Variants in DSCAM observed in about 807,000 individuals in gnomAD.
The protein encoded by DSCAM is cell adhesion molecule DSCAM.
Under a neutral mutation model 217.7 loss-of-function variants are expected in DSCAM, and 47 were observed. That is an observed-to-expected ratio of 0.22 (90% CI 0.17 to 0.28). DSCAM has a LOEUF of 0.28. DSCAM is among the 10% of genes least tolerant of loss of function. DSCAM has a pLI of 1.00. For synonymous variants in DSCAM, 1,056 were observed against 1,015.3 expected (o/e 1.04, Z -0.76); for missense variants, 2,080 against 2,618.3 (o/e 0.79, Z 4.49).
intron 3 of DSCAM, among the ~76,000 whole-genome samples, chr21:40,387,847 T>C (rs2075100864): frequency 6.6e-6 from 1 of 152,118 alleles, no homozygotes; most frequent in African/African-American, 2.4e-5. Context: ...AGATAAACAA[T>C]AAAATATTTG....
At position 40,144,537 on chromosome 21, in the gene DSCAM, G is replaced by A. The variant is rs186014927; in HGVS notation, c.3213C>T (p.Gly1071=). Residue 1071 remains glycine, a synonymous_variant, in exon 17 of 33, where the codon GGC becomes GGT. Transcript: ENST00000400454. This position sits in a 1 kb window ranked among gnomAD's most constrained non-coding sequence, Gnocchi z 4.8. ...TGATTTCCTGAGAAGAAGGCCCCGT[G>A]CCGGCCCGGTTACAGGCCTGCACCA... The part of the protein sequence containing the change: ...GLVVQACNRA[G]TGPSSQEIIT... 2.3e-4 allele frequency: 378 copies of A among 1,614,218 alleles called. 1 individual carries two copies. In the African/African-American group the frequency reaches 4.7e-3, roughly 20 times the overall value.
At chr21:40,689,253 T>G (rs977277546) in intron 3 of DSCAM, among the ~76,000 whole-genome samples, 1 of 152,216 alleles carries the variant, frequency 6.6e-6, no homozygotes, top group Non-Finnish European at 1.5e-5. Flanking sequence ...AAATACCCAT[T>G]TACCTTCACC....
At chr21:40,276,355 A>G in intron 10 of DSCAM, 85 bp from the exon 11 acceptor site, 1 of 1,285,482 alleles carries the variant, frequency 7.8e-7, no homozygotes, top group Non-Finnish European at 1.0e-6. Flanking sequence ...ACAGACTCAT[A>G]AAGAGATGCT....
chr21:40,511,509 A>G (rs1349004845), intron 3 of DSCAM, among the ~76,000 whole-genome samples: 1 of 152,198 alleles, frequency 6.6e-6, no homozygotes, highest in Non-Finnish European at 1.5e-5. Flanking sequence ...TTCTCCAAAG[A>G]AAAGGTTTCC....
At chr21:40,569,981 C>G (rs1267155392) in intron 3 of DSCAM, among the ~76,000 whole-genome samples, 1 of 152,064 alleles carries the variant, frequency 6.6e-6, no homozygotes, top group East Asian at 1.9e-4. Flanking sequence ...ATGCCAAAAG[C>G]TGGGATGAGT....
chr21:40,196,119 G>T (rs932094681), intron 11 of DSCAM, among the ~76,000 whole-genome samples: 1 of 152,206 alleles, frequency 6.6e-6, no homozygotes. Context: ...TGGCCTCCTG[G>T]TGTCCCAGGT....
chr21:40,217,244 T>C (rs1196098139), intron 11 of DSCAM, among the ~76,000 whole-genome samples: 1 of 152,136 alleles, frequency 6.6e-6, no homozygotes, highest in Non-Finnish European at 1.5e-5. Flanking sequence ...GTTTGAAAAA[T>C]GCAGAAAAGT....
intron 1 of DSCAM, among the ~76,000 whole-genome samples, chr21:40,733,200 A>G (rs2091030299): frequency 6.6e-6 from 1 of 152,154 alleles, no homozygotes; most frequent in African/African-American, 2.4e-5. Context: ...ACTTACAGGG[A>G]GGCAGGCTGG....
chr21:40,567,412 G>A (rs765357968), intron 3 of DSCAM, among the ~76,000 whole-genome samples: 3 of 152,232 alleles, frequency 2.0e-5, no homozygotes, highest in Non-Finnish European at 2.9e-5. Context: ...CTGCGTTTCC[G>A]CATCTCCTCT....
chr21:40,548,445 G>A (rs1401068427), intron 3 of DSCAM, among the ~76,000 whole-genome samples: 2 of 151,788 alleles, frequency 1.3e-5, no homozygotes, highest in Admixed American at 1.3e-4. Flanking sequence ...GACTGGTAAT[G>A]ACCCGTGAGC....
At chr21:40,488,438 TG>T (rs542947204) in intron 3 of DSCAM, among the ~76,000 whole-genome samples, 2 of 152,192 alleles carry the variant, frequency 1.3e-5, no homozygotes, top group Non-Finnish European at 2.9e-5. Flanking sequence ...TGCATCAGAT[TG>T]CCTGATAGTT....
At chr21:40,092,957 T>C (rs2089630035) in intron 21 of DSCAM, among the ~76,000 whole-genome samples, 1 of 152,162 alleles carries the variant, frequency 6.6e-6, no homozygotes, top group Admixed American at 6.5e-5. Flanking sequence ...GGAGGTAAAA[T>C]TGGAATCTTG....
At chr21:40,510,158 G>A (rs1694261409) in intron 3 of DSCAM, among the ~76,000 whole-genome samples, 1 of 151,796 alleles carries the variant, frequency 6.6e-6, no homozygotes, top group Admixed American at 6.6e-5. Flanking sequence ...CCCCCCCAAA[G>A]CACTCTAAAA....
rs73905021 is a variant in DSCAM at position 40,646,084 on chromosome 21, A to T, written c.508+46726T>A. ...GGAGCAGGCTGTGAAACTAGGATTG[A>T]AAAGAAAGACACAGGGTGGAACATA... On this transcript the variant is annotated intron_variant, in intron 3 of 32. Transcript: ENST00000400454. 1.5e-3 allele frequency among the ~76,000 whole-genome samples: 225 copies of T among 152,304 alleles called. 4 individuals are homozygous for T. The highest frequency in any genetic ancestry group is 4.7e-3 in the African/African-American group (197 of 41,560).
intron 3 of DSCAM, among the ~76,000 whole-genome samples, chr21:40,473,366 C>T (rs532212976): frequency 6.6e-6 from 1 of 152,292 alleles, no homozygotes; most frequent in South Asian, 2.1e-4. Flanking sequence ...TGGGAATCCA[C>T]CAGTGACATA....
chr21:40,551,143 G>C (rs1477206287), intron 3 of DSCAM, among the ~76,000 whole-genome samples: 1 of 152,232 alleles, frequency 6.6e-6, no homozygotes, highest in Non-Finnish European at 1.5e-5. Context: ...GCCTCAAGAA[G>C]TCCTGAGTAC....
At chr21:40,104,420 G>T (rs1007131133) in intron 20 of DSCAM, among the ~76,000 whole-genome samples, 1 of 152,136 alleles carries the variant, frequency 6.6e-6, no homozygotes, top group African/African-American at 2.4e-5. Context: ...AGTACAATAT[G>T]TCTGTGTCAG....
intron 3 of DSCAM, among the ~76,000 whole-genome samples, chr21:40,453,104 T>C (rs1001648167): frequency 6.7e-6 from 1 of 148,508 alleles, no homozygotes; most frequent in African/African-American, 2.5e-5. Context: ...GATATATGTG[T>C]ATATCTACAC....
At chr21:40,600,468 C>T (rs2077053967) in intron 3 of DSCAM, among the ~76,000 whole-genome samples, 1 of 152,112 alleles carries the variant, frequency 6.6e-6, no homozygotes, top group Admixed American at 6.5e-5. Flanking sequence ...TCTCAAAGGC[C>T]CCACCTCCTA....
Sources: allele counts gnomAD v4.1 joint callset (sites outside exome capture counted in the v4.1 genomes callset), GRCh38; gene constraint gnomAD v4.1.1; non-coding constraint Gnocchi (gnomAD v3.1); transcripts MANE v1.5; gene names NCBI Gene and HGNC (gene_info 2026-07-23, HGNC 2026-07-21).